Variants in PCDHA10 observed in about 807,000 individuals in gnomAD.
PCDHA10 encodes the protein protocadherin alpha-10.
In PCDHA10, 45 loss-of-function variants were observed where a neutral mutation model predicts 61.2. That is an observed-to-expected ratio of 0.74 (90% CI 0.58 to 0.94). The LOEUF is 0.94. Among genes scored for constraint, PCDHA10 ranks in the 40% least tolerant of loss-of-function variants. The pLI, the probability that PCDHA10 is intolerant of heterozygous loss-of-function variation, is 0.00. For missense variants in PCDHA10, 1,278 were observed against 1,236.2 expected, an observed-to-expected ratio of 1.03 and a Z score of -0.51; for synonymous variants, 602 against 548.8, an observed-to-expected ratio of 1.10 and a Z score of -1.35.
chr5:140,921,715 G>A (rs1313930887), intron 1 of PCDHA10, among the ~76,000 whole-genome samples: 9 of 152,080 alleles, frequency 5.9e-5, no homozygotes, highest in African/African-American at 1.7e-4. Flanking sequence ...GTAAACACAC[G>A]AATTACTCCC....
At chr5:140,942,913 G>T (rs1467978300) in intron 1 of PCDHA10, among the ~76,000 whole-genome samples, 1 of 148,868 alleles carries the variant, frequency 6.7e-6, no homozygotes, top group South Asian at 2.1e-4. Flanking sequence ...TAAGCGTGAA[G>T]AAAAAAAAAA....
chr5:140,965,401 A>C (rs546046699), intron 1 of PCDHA10, among the ~76,000 whole-genome samples: 1 of 152,166 alleles, frequency 6.6e-6, no homozygotes, highest in Non-Finnish European at 1.5e-5. Flanking sequence ...AAGTCTAAGG[A>C]GTCTTATATT....
chr5:140,962,269 T>A (rs1554225906), intron 1 of PCDHA10, among the ~76,000 whole-genome samples: 1 of 152,194 alleles, frequency 6.6e-6, no homozygotes, highest in Non-Finnish European at 1.5e-5. Flanking sequence ...TTTTATAATT[T>A]AAAAAACCTC....
At chr5:140,989,315 C>T (rs1285439327) in intron 3 of PCDHA10, among the ~76,000 whole-genome samples, 1 of 152,130 alleles carries the variant, frequency 6.6e-6, no homozygotes, top group East Asian at 1.9e-4. Flanking sequence ...AGTAGGGTCT[C>T]ACCAACTTTG....
intron 1 of PCDHA10, chr5:140,871,093 G>C: frequency 1.9e-6 from 3 of 1,613,300 alleles, no homozygotes; most frequent in Non-Finnish European, 2.5e-6. Context: ...CACGGCCACC[G>C]TGCTGGTGTC....
chr5:140,900,214 T>C (rs782509259), intron 1 of PCDHA10, among the ~76,000 whole-genome samples: 3 of 152,216 alleles, frequency 2.0e-5, no homozygotes, highest in Non-Finnish European at 4.4e-5. Flanking sequence ...ATCCAGGTTG[T>C]TGCAAATGAC....
chr5:140,921,974 T>G lies in PCDHA10; in HGVS notation c.2389-56975T>G, dbSNP rs184369031. Among the ~76,000 whole-genome samples the G allele has an allele frequency of 1.1e-3, 161 of 151,826 alleles. 2 individuals are homozygous for G. The highest frequency in any genetic ancestry group is 2.1e-3 in the Non-Finnish European group (141 of 67,922). The stretch of plus-strand genomic sequence containing the variant: ...AATCCCAGAAAACCAAAGGAAAAAA[T>G]AGAACTAAAAAAGAGTTCAATGAAA... On this transcript the variant is annotated intron_variant, in intron 1 of 3. Transcript: ENST00000307360.
At chr5:140,896,346 G>T (rs1466880160) in intron 1 of PCDHA10, among the ~76,000 whole-genome samples, 18 of 151,992 alleles carry the variant, frequency 1.2e-4, no homozygotes, top group Non-Finnish European at 2.5e-4. Flanking sequence ...TTATATTCCC[G>T]CCAGCAGTGT....
At chr5:140,972,170 C>G (rs1001419960) in intron 1 of PCDHA10, among the ~76,000 whole-genome samples, 2 of 152,034 alleles carry the variant, frequency 1.3e-5, no homozygotes, top group African/African-American at 4.8e-5. Flanking sequence ...GAGACAGAGT[C>G]TTGGCCTGTC....
At chr5:140,928,641 G>A in intron 1 of PCDHA10, 1 of 1,614,196 alleles carries the variant, frequency 6.2e-7, no homozygotes, top group Non-Finnish European at 8.5e-7. Context: ...TCACAAAAGT[G>A]GTAGCAGAGG....
At chr5:140,961,108 C>T (rs1027018505) in intron 1 of PCDHA10, among the ~76,000 whole-genome samples, 1 of 152,174 alleles carries the variant, frequency 6.6e-6, no homozygotes, top group Non-Finnish European at 1.5e-5. Flanking sequence ...CACCCAACCC[C>T]CTTGCATCTT....
chr5:140,938,309 A>T (rs1379097876), intron 1 of PCDHA10, among the ~76,000 whole-genome samples: 1 of 152,216 alleles, frequency 6.6e-6, no homozygotes, highest in African/African-American at 2.4e-5. Flanking sequence ...AATTCAGTAT[A>T]AAATTGAATA....
intron 1 of PCDHA10, chr5:140,928,370 C>T (rs2085193734): frequency 6.2e-7 from 1 of 1,614,062 alleles, no homozygotes; most frequent in South Asian, 1.1e-5. Context: ...GAAGGGCCAT[C>T]AGCCTCTAGC....
chr5:140,969,826 A>G (rs782339572), intron 1 of PCDHA10, among the ~76,000 whole-genome samples: 24 of 152,344 alleles, frequency 1.6e-4, no homozygotes, highest in Middle Eastern at 3.4e-3. Flanking sequence ...TGGACTGTCT[A>G]CAGTGGAAAT....
At position 140,864,130 on chromosome 5, in the gene PCDHA10, G is replaced by A. The variant is rs1269875416; in HGVS notation, c.2388+5694G>A. ...TAGTAATAATGAATTAGACTGAGTG[G>A]CTGTTTCCTGTAAATGAGAAAGTTA... On this transcript the variant is annotated intron_variant, in intron 1 of 3. Coordinates refer to ENST00000307360, the MANE Select transcript of PCDHA10 (RefSeq NM_018901.4). 3 of 152,238 alleles carry A rather than the reference G, an allele frequency of 2.0e-5. No individual in the cohort carries two copies. The East Asian group carries it at 5.8e-4, about 29-fold the overall frequency. 9.4% of individuals were successfully genotyped at this position (152,238 alleles called of 1,614,324 possible).
intron 1 of PCDHA10, among the ~76,000 whole-genome samples, chr5:140,914,821 A>G (rs1046692794): frequency 6.6e-6 from 1 of 152,212 alleles, no homozygotes; most frequent in Non-Finnish European, 1.5e-5. Flanking sequence ...AACAGACTGC[A>G]TAAACAAAAA....
At position 140,985,395 on chromosome 5, in the gene PCDHA10, C is replaced by G. The variant is rs377641758; in HGVS notation, c.2536+2832C>G. 2.6e-5 allele frequency among the ~76,000 whole-genome samples: 4 copies of G among 152,302 alleles called. No individual in the cohort carries two copies. The East Asian group carries it at 7.7e-4, about 29-fold the overall frequency. On this transcript the variant is annotated intron_variant, in intron 3 of 3. Coordinates refer to ENST00000307360, the MANE Select transcript of PCDHA10 (RefSeq NM_018901.4). ...GGTCTATATAATCCAGTCACCCCAACTGTTCCCCTGGAAATGGAGTGAGGA... is the reference window on the plus strand; with the variant it reads ...GGTCTATATAATCCAGTCACCCCAAGTGTTCCCCTGGAAATGGAGTGAGGA...
chr5:140,965,830 A>G (rs2095939833), intron 1 of PCDHA10, among the ~76,000 whole-genome samples: 1 of 152,208 alleles, frequency 6.6e-6, no homozygotes, highest in African/African-American at 2.4e-5. Flanking sequence ...ACATTTAAAT[A>G]TTGGTTATTT....
At chr5:140,967,135 G>A in intron 1 of PCDHA10, 1 of 1,611,752 alleles carries the variant, frequency 6.2e-7, no homozygotes, top group South Asian at 1.1e-5. Context: ...GCTTGGAAGT[G>A]CTGGCGCACA....
Sources: gnomAD v4.1 joint callset for allele counts (sites outside exome capture counted in the v4.1 genomes callset) on GRCh38, gnomAD v4.1.1 for gene constraint, MANE v1.5 for transcripts, NCBI Gene and HGNC (gene_info 2026-07-23, HGNC 2026-07-21) for gene names.